The following VWA5B1 variants were observed in gnomAD, a reference collection of about 807,000 sequenced individuals.
VWA5B1 encodes the protein von Willebrand factor A domain-containing protein 5B1.
A neutral mutation model predicts 118.2 loss-of-function variants in VWA5B1; 115 were observed. The ratio of observed to expected loss-of-function variants is 0.97; its 90% confidence interval spans 0.84 to 1.14. The LOEUF (loss-of-function observed/expected upper bound fraction) is 1.14, where lower values mean the gene tolerates loss of function less well. Ranked by LOEUF, VWA5B1 falls within the 50% of genes most tolerant of loss-of-function variation. VWA5B1 has a pLI of 0.00. For missense variants in VWA5B1, 1,596 were observed against 1,603.8 expected (o/e 1.00, Z 0.08); for synonymous variants, 682 against 658.4 (o/e 1.04, Z -0.55).
In VWA5B1 at chr1:20,358,360, C is replaced by T. The variant is rs2090264840; in HGVS notation, c.*4097C>T. Among the ~76,000 whole-genome samples, 2 of 152,246 alleles carry T rather than the reference C, an allele frequency of 1.3e-5. No homozygotes were observed. The highest frequency in any genetic ancestry group is 1.3e-4 in the Admixed American group (2 of 15,294). ...TCTGGAAGTTTCCTCTAGATCCTGACTTGCCCTCTGTTAATCCCTACCCTT... is the reference window on the plus strand; with the variant it reads ...TCTGGAAGTTTCCTCTAGATCCTGATTTGCCCTCTGTTAATCCCTACCCTT... On this transcript the variant is annotated 3_prime_UTR_variant, in exon 22 of 22. Transcript: ENST00000289815.
At position 20,336,340 on chromosome 1, in the gene VWA5B1, A is replaced by G. The variant is rs1291511131; in HGVS notation, c.1796A>G (p.Glu599Gly). Reference protein sequence around the residue: ...RRRYSMLHSQESGSSVFYHSQ... With the variant: ...RRRYSMLHSQGSGSSVFYHSQ... ...CGGTACAGCATGCTGCACTCTCAGG[A>G]GTCTGGCAGCTCTGTCTTCTACCAC... Residue 599 changes from glutamate (E) to glycine (G), a missense_variant, in exon 13 of 22, where the codon GAG becomes GGG. Physicochemically the swap from Glu to Gly is moderately conservative, Grantham distance 98. Coordinates refer to ENST00000289815, the MANE Select transcript of VWA5B1 (RefSeq NM_001039500.3). The G allele has an allele frequency of 2.6e-6, 4 of 1,519,624 alleles. No homozygotes were observed. In the Admixed American group the frequency reaches 6.3e-5, roughly 24 times the overall value. The allele number at this position is 1,519,624 out of a possible 1,614,324, so 94.1% of individuals were successfully genotyped here. A position where few individuals can be genotyped will look rare whatever the true frequency, so the allele number is the denominator to read the frequency against.
chr1:20,350,387 A>G (rs912204781), intron 19 of VWA5B1, among the ~76,000 whole-genome samples, 157 bp downstream of exon 19: 1 of 152,184 alleles, frequency 6.6e-6, no homozygotes, highest in Non-Finnish European at 1.5e-5. Flanking sequence ...CAATTGAAAG[A>G]TGAGGAACAG....
At chr1:20,291,179 T>A (rs1367892964) in intron 1 of VWA5B1, 91 bp downstream of exon 1, 5 of 99,200 alleles carry the variant, frequency 5.0e-5, no homozygotes, top group South Asian at 3.0e-4. Flanking sequence ...TGTGTGTGTA[T>A]GTGTGTGTGT....
rs942369240 is a variant in VWA5B1, at chr1:20,354,186, C to T, written c.3571C>T (p.Gln1191Ter). ...TQGTLKAAARQLFVLLRHWDE... is the reference protein window; with the variant it reads ...TQGTLKAAAR Reference sequence around the variant, plus strand: ...GGGCACACTCAAGGCCGCTGCCCGCCAGCTGTTTGTGCTTCTGCGGCACTG... The same window carrying T: ...GGGCACACTCAAGGCCGCTGCCCGCTAGCTGTTTGTGCTTCTGCGGCACTG... The change falls in exon 22 of 22, where the codon CAG (glutamine) becomes TAG (stop). Residue 1191 changes from glutamine (Q) to a stop codon, truncating the protein, a stop_gained. Coordinates refer to ENST00000289815, the MANE Select transcript of VWA5B1 (RefSeq NM_001039500.3). LOFTEE classifies it high-confidence loss of function. 6 of 1,551,128 alleles carry T rather than the reference C, an allele frequency of 3.9e-6. No individual in the cohort carries two copies. Among genetic ancestry groups the T allele is most frequent in the Admixed American group, 2.0e-5 (1 of 50,990 alleles).
At position 20,330,373 on chromosome 1, in the gene VWA5B1, TCTC is replaced by T. The variant is rs1363391425; in HGVS notation, c.1450_1452del (p.Ser484del). On this transcript the variant is annotated inframe_deletion, in exon 10 of 22. Transcript: ENST00000289815. Reference sequence around the variant, plus strand: ...CTGGAGCTGGTGCGAAATCACGCCTTCTCCACCAGGTCGGCCTTGGCTGAGGGT... The same window carrying T: ...CTGGAGCTGGTGCGAAATCACGCCTTCACCAGGTCGGCCTTGGCTGAGGGT... The T allele has an allele frequency of 6.4e-7, 1 of 1,551,488 alleles. No homozygotes were observed. The highest frequency in any genetic ancestry group is 8.7e-7 in the Non-Finnish European group (1 of 1,146,976).
chr1:20,326,393 G>A (rs2089381330), intron 8 of VWA5B1, among the ~76,000 whole-genome samples: 1 of 151,962 alleles, frequency 6.6e-6, no homozygotes, highest in Admixed American at 6.6e-5. Flanking sequence ...GGGGTGAGGG[G>A]GAGACAGACC....
intron 1 of VWA5B1, among the ~76,000 whole-genome samples, chr1:20,307,799 G>T: frequency 7.6e-6 from 1 of 131,162 alleles, no homozygotes. Context: ...TTTCCAAGGG[G>T]TTCTGACATT....
intron 12 of VWA5B1, among the ~76,000 whole-genome samples, chr1:20,334,804 C>G (rs1330180254): frequency 6.6e-6 from 1 of 152,094 alleles, no homozygotes; most frequent in Non-Finnish European, 1.5e-5. Flanking sequence ...GGGCGAGACT[C>G]TGTCTCCAAG....
chr1:20,314,860 C>T (rs1238927397), intron 4 of VWA5B1, among the ~76,000 whole-genome samples: 1 of 151,786 alleles, frequency 6.6e-6, no homozygotes. Context: ...GTCCAAATTT[C>T]ATAACTTTAC....
At chr1:20,300,445 C>A (rs1162106491) in intron 1 of VWA5B1, among the ~76,000 whole-genome samples, 2 of 152,110 alleles carry the variant, frequency 1.3e-5, no homozygotes, top group Non-Finnish European at 2.9e-5. Context: ...CCCAGAGGGA[C>A]CCCGTGGGAA....
chr1:20,304,753 G>A (rs10753495), intron 1 of VWA5B1, among the ~76,000 whole-genome samples: 111,816 of 151,964 alleles, frequency 0.74, 41,946 homozygotes, highest in East Asian at 0.93. Context: ...AGGGAAGCTC[G>A]GCACAGGAGA....
In VWA5B1 at chr1:20,350,161, G is replaced by A. The variant is rs1034493664; in HGVS notation, c.2884G>A (p.Glu962Lys). The A allele has an allele frequency of 1.1e-5, 17 of 1,551,148 alleles. No individual in the cohort carries two copies. The Admixed American group carries it at 1.2e-4, about 11-fold the overall frequency. The change falls in exon 19 of 22, where the codon GAG becomes AAG. Residue 962 changes from glutamate to lysine, a missense_variant. Glu to Lys is a moderately conservative substitution (Grantham distance 56). Transcript: ENST00000289815. ...CACTGGCTCCTCTGTCCTAGACATG[G>A]AGGCAAGTCCCACTGCTCTCTTCAG... Reference protein sequence around the residue: ...GEDSAPGNDMEASPTALFSEA... With the variant: ...GEDSAPGNDMKASPTALFSEA...
chr1:20,336,753 T>C (rs1166918554), intron 13 of VWA5B1, among the ~76,000 whole-genome samples: 1 of 152,184 alleles, frequency 6.6e-6, no homozygotes, highest in Non-Finnish European at 1.5e-5. Context: ...AGGGTACTTA[T>C]CGATTCCTTA....
At position 20,352,041 on chromosome 1, in the gene VWA5B1, C is replaced by G. The variant is rs1176306814; in HGVS notation, c.3024-14C>G. 6.5e-7 allele frequency: 1 copy of G among 1,547,344 alleles called. No homozygotes were observed. The highest frequency in any genetic ancestry group is 8.7e-7 in the Non-Finnish European group (1 of 1,144,940). ...GGTTGGGATGCCCAGGGCCACCTGA[C>G]TTCACCTGCACAGGCTAAATCTCAA... is the stretch of plus-strand genomic sequence containing the variant. On this transcript the variant is annotated splice_polypyrimidine_tract_variant and intron_variant, in intron 20 of 21. Transcript: ENST00000289815.
chr1:20,347,798 C>G (rs2090039139), intron 17 of VWA5B1, among the ~76,000 whole-genome samples: 1 of 151,876 alleles, frequency 6.6e-6, no homozygotes, highest in Non-Finnish European at 1.5e-5. Context: ...TCCATCCAAC[C>G]CCTCTTGGTG....
chr1:20,324,833 G>A (rs968605670), intron 8 of VWA5B1, among the ~76,000 whole-genome samples: 3 of 152,158 alleles, frequency 2.0e-5, no homozygotes, highest in Non-Finnish European at 4.4e-5. Flanking sequence ...GAAGTCTCAT[G>A]ACACAGGGGT....
At chr1:20,291,846 G>C (rs1364154858) in intron 1 of VWA5B1, among the ~76,000 whole-genome samples, 1 of 152,202 alleles carries the variant, frequency 6.6e-6, no homozygotes, top group African/African-American at 2.4e-5. Flanking sequence ...AGCGGGTGCA[G>C]TGTGGCGCCT....
intron 12 of VWA5B1, among the ~76,000 whole-genome samples, chr1:20,335,759 C>T (rs935063637): frequency 1.3e-5 from 2 of 152,130 alleles, no homozygotes; most frequent in Non-Finnish European, 2.9e-5. Context: ...TAAAGGTCTC[C>T]GTCGTCATTG....
At chr1:20,323,308 T>C in intron 7 of VWA5B1, 48 bp from the exon 8 acceptor site, 1 of 1,384,524 alleles carries the variant, frequency 7.2e-7, no homozygotes, top group Non-Finnish European at 9.4e-7. Flanking sequence ...TCCCCAGGAG[T>C]ACCTCTTGAC....
Sources: allele counts gnomAD v4.1 joint callset (sites outside exome capture counted in the v4.1 genomes callset), GRCh38; gene constraint gnomAD v4.1.1; transcripts MANE v1.5; gene names NCBI Gene and HGNC (gene_info 2026-07-23, HGNC 2026-07-21).